The following PAM variants were observed in gnomAD, a reference collection of about 807,000 sequenced individuals.
PAM encodes peptidyl-glycine alpha-amidating monooxygenase.
A neutral mutation model predicts 122.1 loss-of-function variants in PAM; 72 were observed. The ratio of observed to expected loss-of-function variants is 0.59; its 90% CI spans 0.49 to 0.72. The LOEUF is 0.72. Among genes scored for constraint, PAM ranks in the 30% least tolerant of loss-of-function variants. The probability of loss-of-function intolerance (pLI) is 0.00; values close to 1 mark genes in which losing one functional copy is unlikely to be tolerated. For missense variants in PAM, 1,106 were observed against 1,183.7 expected (o/e 0.93, Z 0.96); for synonymous variants, 389 against 404.4 (o/e 0.96, Z 0.46).
rs1426994826 is a variant in PAM at position 102,866,172 on chromosome 5, C to G, written c.-24C>G. 6.4e-7 allele frequency: 1 copy of G among 1,567,804 alleles called. No homozygotes were observed. Among genetic ancestry groups the G allele is most frequent in the South Asian group, 1.1e-5 (1 of 90,188 alleles). On this transcript the variant is annotated 5_prime_UTR_variant, in exon 2 of 26. Coordinates refer to ENST00000438793, the MANE Select transcript of PAM (RefSeq NM_001177306.2). ...CGCGCTGCGCTGCCCGGTCCTCTCC[C>G]GGCGGGGTCGTATCGGCGTGGACAT...
At chr5:102,820,656 G>T (rs1293497888) in intron 1 of PAM, among the ~76,000 whole-genome samples, 2 of 152,132 alleles carry the variant, frequency 1.3e-5, no homozygotes, top group African/African-American at 2.4e-5. Context: ...GAATACACAT[G>T]TATTATGCAT....
intron 12 of PAM, among the ~76,000 whole-genome samples, chr5:102,954,736 A>G (rs1582130151): frequency 6.6e-6 from 1 of 152,226 alleles, no homozygotes; most frequent in East Asian, 1.9e-4. Flanking sequence ...ACAGAATTTA[A>G]TTAAGTCAGC....
intron 1 of PAM, among the ~76,000 whole-genome samples, chr5:102,813,928 C>A (rs539177509): frequency 1.3e-5 from 2 of 152,288 alleles, no homozygotes; most frequent in East Asian, 3.9e-4. Context: ...GACCAGTGCA[C>A]TGGGGACTAG....
chr5:102,869,811 AC>A (rs1197192431), intron 3 of PAM, among the ~76,000 whole-genome samples: 1 of 152,152 alleles, frequency 6.6e-6, no homozygotes, highest in Admixed American at 6.5e-5. Context: ...TGAAGATAAA[AC>A]CAAAGTTTTA....
rs1475729439 is a variant in PAM at position 102,936,743 on chromosome 5, T to C, written c.526+10075T>C. Among the ~76,000 whole-genome samples, 4 of 152,128 alleles carry C rather than the reference T, an allele frequency of 2.6e-5. No homozygotes were observed. The South Asian group carries it at 8.3e-4, about 31-fold the overall frequency. On this transcript the variant is annotated intron_variant, in intron 7 of 25. Coordinates refer to ENST00000438793, the MANE Select transcript of PAM (RefSeq NM_001177306.2). ...TGTAACAAACATATAAACACACCAG[T>C]AGTGTGTATTTTTTTCACAGAGCCA...
intron 7 of PAM, among the ~76,000 whole-genome samples, chr5:102,942,611 C>A (rs1004784242): frequency 6.6e-6 from 1 of 150,804 alleles, no homozygotes; most frequent in African/African-American, 2.4e-5. Context: ...GAAACAGAGT[C>A]TTGCTCTGTC....
intron 1 of PAM, among the ~76,000 whole-genome samples, chr5:102,789,821 A>G (rs772954551): frequency 3.3e-5 from 5 of 152,108 alleles, no homozygotes; most frequent in Non-Finnish European, 5.9e-5. Flanking sequence ...CCACAATAAA[A>G]TAGCAAAACT....
Position 102,974,270 on chromosome 5 carries a change from T to A in PAM, c.1317T>A (p.Asp439Glu), listed in dbSNP as rs748416506. 1 of 1,613,990 alleles carries A rather than the reference T, an allele frequency of 6.2e-7. No individual in the cohort carries two copies. The highest frequency in any genetic ancestry group is 1.7e-5 in the Admixed American group (1 of 59,980). The part of the protein sequence containing the change: ...VVQKKDLGRS[D>E]AREGAEHERG... Reference sequence around the variant, plus strand: ...AAAAAAAGGATCTTGGTCGATCTGATGCCAGAGAGGGTGCAGAACATGAGA... The same window carrying A: ...AAAAAAAGGATCTTGGTCGATCTGAAGCCAGAGAGGGTGCAGAACATGAGA... Residue 439 changes from aspartate to glutamate, a missense_variant, in exon 15 of 26, where the codon GAT becomes GAA. Coordinates refer to ENST00000438793, the MANE Select transcript of PAM (RefSeq NM_001177306.2).
chr5:102,948,934 T>C (rs987513299), intron 9 of PAM, among the ~76,000 whole-genome samples: 3 of 152,102 alleles, frequency 2.0e-5, no homozygotes, highest in African/African-American at 4.8e-5. Flanking sequence ...TGAGAATAAG[T>C]ATATTATTAT....
Position 102,990,344 on chromosome 5 carries a change from T to C in PAM, c.1556T>C (p.Leu519Pro). 1.2e-6 allele frequency: 2 copies of C among 1,610,138 alleles called. No homozygotes were observed. The highest frequency in any genetic ancestry group is 1.7e-6 in the Non-Finnish European group (2 of 1,177,186). ...CCAGGCCAGGTTTCTGGGGTGGCTC[T>C]AGACCCTAAGAATAACCTGGTGATT... ...LLPGQVSGVA[L>P]DPKNNLVIFH... Residue 519 changes from leucine to proline, a missense_variant, in exon 16 of 26, where the codon CTA (leucine) becomes CCA (proline). By Grantham distance (98) the Leu-to-Pro change is moderately conservative. Coordinates refer to ENST00000438793, the MANE Select transcript of PAM (RefSeq NM_001177306.2).
chr5:102,778,130 A>T (rs2149824196), intron 1 of PAM, among the ~76,000 whole-genome samples: 1 of 152,294 alleles, frequency 6.6e-6, no homozygotes, highest in African/African-American at 2.4e-5. Flanking sequence ...ATAGAGAATT[A>T]AAAAGGAGGC....
chr5:102,786,192 G>A (rs1331880714), intron 1 of PAM, among the ~76,000 whole-genome samples: 3 of 152,204 alleles, frequency 2.0e-5, no homozygotes, highest in Non-Finnish European at 4.4e-5. Flanking sequence ...AGGCAATTTT[G>A]TGTCATGTAA....
At chr5:102,788,312 C>T (rs191658506) in intron 1 of PAM, among the ~76,000 whole-genome samples, 2 of 152,146 alleles carry the variant, frequency 1.3e-5, no homozygotes, top group East Asian at 1.9e-4. Context: ...CCATAATTCA[C>T]CAGCTTTGAT....
At position 102,950,883 on chromosome 5, in the gene PAM, G is replaced by T; in HGVS notation, c.905+63G>T. The T allele has an allele frequency of 3.2e-6, 3 of 928,974 alleles. No homozygotes were observed. The South Asian group carries it at 4.4e-5, about 14-fold the overall frequency. The allele number at this position is 928,974 out of a possible 1,614,324, so 57.5% of individuals were successfully genotyped here. A position where few individuals can be genotyped will look rare whatever the true frequency, so the allele number is the denominator to read the frequency against. ...ATTGGGATAAGGCATGATTACAGGT[G>T]ACAGCTATCTTTGTGAATAAATTGT... On this transcript the variant is annotated intron_variant, in intron 12 of 25. Transcript: ENST00000438793.
chr5:102,957,167 C>A lies in PAM; in HGVS notation c.906-2708C>A, dbSNP rs192149880. On this transcript the variant is annotated intron_variant, in intron 12 of 25. Transcript: ENST00000438793. ...TCTAGCTACACATCTGTATGCATATCTATGTATATTCATTTGAATAGCTTT... is the reference window on the plus strand; with the variant it reads ...TCTAGCTACACATCTGTATGCATATATATGTATATTCATTTGAATAGCTTT... Among the ~76,000 whole-genome samples the A allele has an allele frequency of 3.3e-5, 5 of 152,244 alleles. No homozygotes were observed. The East Asian group carries it at 9.7e-4, about 29-fold the overall frequency.
chr5:102,794,209 G>A (rs924820636), intron 1 of PAM, among the ~76,000 whole-genome samples: 3 of 152,112 alleles, frequency 2.0e-5, no homozygotes, highest in African/African-American at 7.2e-5. Context: ...AATGCTGTGC[G>A]GATCAGGATA....
At chr5:102,918,098 A>G (rs1182601257) in intron 5 of PAM, among the ~76,000 whole-genome samples, 1 of 152,154 alleles carries the variant, frequency 6.6e-6, no homozygotes, top group East Asian at 1.9e-4. Flanking sequence ...TCAATTCCAA[A>G]TTAACATACC....
chr5:103,017,285 A>T lies in PAM; in HGVS notation c.2332-49A>T, dbSNP rs769128944. Reference sequence around the variant, plus strand: ...TTGTTTTTCTGTCTTTTCATGAAGGATTCAAGTAAAGGCTCACCACTCTAA... The same window carrying T: ...TTGTTTTTCTGTCTTTTCATGAAGGTTTCAAGTAAAGGCTCACCACTCTAA... On this transcript the variant is annotated intron_variant, in intron 21 of 25. Coordinates refer to ENST00000438793, the MANE Select transcript of PAM (RefSeq NM_001177306.2). 2.7e-6 allele frequency: 3 copies of T among 1,119,116 alleles called. No individual in the cohort carries two copies. The Admixed American group carries it at 5.4e-5, about 20-fold the overall frequency. 69.3% of individuals were successfully genotyped at this position (1,119,116 alleles called of 1,614,324 possible).
intron 15 of PAM, among the ~76,000 whole-genome samples, chr5:102,981,327 T>A (rs779177366): frequency 3.3e-5 from 5 of 152,252 alleles, no homozygotes; most frequent in Non-Finnish European, 7.3e-5. Flanking sequence ...TAGCTCCCAG[T>A]ACCTAGTTGG....
Sources: gnomAD v4.1 joint callset for allele counts (sites outside exome capture counted in the v4.1 genomes callset) on GRCh38, gnomAD v4.1.1 for gene constraint, MANE v1.5 for transcripts, NCBI Gene and HGNC (gene_info 2026-07-23, HGNC 2026-07-21) for gene names.